Variants in BTN2A1 observed in about 807,000 individuals in gnomAD.
The protein encoded by BTN2A1 is butyrophilin, subfamily 2, member A1.
In BTN2A1, 41 loss-of-function variants were observed where a neutral mutation model predicts 34.5. That is an observed-to-expected ratio of 1.19 (90% CI 0.93 to 1.54). The LOEUF (loss-of-function observed/expected upper bound fraction) is 1.54, where lower values mean the gene tolerates loss of function less well. Ranked by LOEUF, BTN2A1 falls within the 40% of genes most tolerant of loss-of-function variation. The pLI is 0.00. For missense variants in BTN2A1, 642 were observed against 662.0 expected (o/e 0.97, Z 0.33); for synonymous variants, 267 against 258.6 (o/e 1.03, Z -0.31).
In BTN2A1 at chr6:26,468,539, A is replaced by G; in HGVS notation, c.1574A>G (p.Gln525Arg). 1 of 1,614,218 alleles carries G rather than the reference A, an allele frequency of 6.2e-7. No individual in the cohort carries two copies. Among genetic ancestry groups the G allele is most frequent in the Non-Finnish European group, 8.5e-7 (1 of 1,180,040 alleles). ...GLTLHRVGTH[Q>R]SL ...ACACTTCACAGAGTGGGGACCCACC[A>G]GAGCCTATAGAATCAATTCCTTGGT... Residue 525 changes from glutamine (Q) to arginine (R), a missense_variant, in exon 8 of 8, where the codon CAG becomes CGG. Gln to Arg is a conservative substitution (Grantham distance 43). Coordinates refer to ENST00000312541, the MANE Select transcript of BTN2A1 (RefSeq NM_007049.5).
At chr6:26,465,143 T>C (rs1561871640) in intron 4 of BTN2A1, 42 bp from the exon 5 acceptor site, 2 of 1,562,086 alleles carry the variant, frequency 1.3e-6, no homozygotes, top group South Asian at 1.1e-5. Context: ...ACCCCAGATG[T>C]TCTGTTTCAA....
intron 2 of BTN2A1, 143 bp downstream of exon 2, chr6:26,458,861 T>G: frequency 8.9e-7 from 1 of 1,128,804 alleles, no homozygotes; most frequent in Non-Finnish European, 1.3e-6. Flanking sequence ...ATACCAGCAC[T>G]GTCCAAAAGG....
At chr6:26,462,217 T>G (rs140050376) in intron 3 of BTN2A1, among the ~76,000 whole-genome samples, 1 of 152,204 alleles carries the variant, frequency 6.6e-6, no homozygotes, top group East Asian at 1.9e-4. Flanking sequence ...TTCACTCTTA[T>G]GGAAGATTCA....
exon 8 of BTN2A1, chr6:26,476,563 T>C: frequency 3.4e-6 from 1 of 295,216 alleles, no homozygotes; most frequent in East Asian, 7.6e-5. Flanking sequence ...ATCTCGGGGC[T>C]GTGTCACAAG....
chr6:26,464,586 T>C (rs531786124), intron 4 of BTN2A1, among the ~76,000 whole-genome samples: 2 of 152,174 alleles, frequency 1.3e-5, no homozygotes, highest in East Asian at 1.9e-4. Flanking sequence ...GAAGAGCATA[T>C]GCAAAGGGCC....
downstream of BTN2A1, among the ~76,000 whole-genome samples, chr6:26,473,746 G>A (rs1049827570): frequency 3.9e-5 from 6 of 152,204 alleles, no homozygotes; most frequent in African/African-American, 1.4e-4. Flanking sequence ...AGCTGAATGT[G>A]AAGAAACACT....
In BTN2A1 at chr6:26,468,907, T is replaced by C. The variant is rs1429867629; in HGVS notation, c.*358T>C. 7 of 1,316,268 alleles carry C rather than the reference T, an allele frequency of 5.3e-6. No individual in the cohort carries two copies. The highest frequency in any genetic ancestry group is 6.9e-6 in the Non-Finnish European group (7 of 1,012,266). 81.5% of individuals were successfully genotyped at this position (1,316,268 alleles called of 1,614,324 possible). A position where few individuals can be genotyped will look rare whatever the true frequency, so the allele number is the denominator to read the frequency against. On this transcript the variant is annotated 3_prime_UTR_variant, in exon 8 of 8. Coordinates refer to ENST00000312541, the MANE Select transcript of BTN2A1 (RefSeq NM_007049.5). ...GTATTCCAGTTGGCACCAGAAGATA[T>C]GGACTTGGAATGAGGCCTACAGGGT... is the stretch of plus-strand genomic sequence containing the variant.
At chr6:26,458,354 C>G (rs1177860582) in intron 1 of BTN2A1, among the ~76,000 whole-genome samples, 1 of 152,186 alleles carries the variant, frequency 6.6e-6, no homozygotes, top group Admixed American at 6.5e-5. Context: ...CCAGCGACAA[C>G]TGAAGAAACT....
downstream of BTN2A1, among the ~76,000 whole-genome samples, chr6:26,472,382 A>G (rs1386764392): frequency 1.3e-5 from 2 of 152,182 alleles, no homozygotes; most frequent in African/African-American, 4.8e-5. Context: ...TTACTGAGAA[A>G]AGTAGATCTG....
downstream of BTN2A1, among the ~76,000 whole-genome samples, chr6:26,473,816 C>T (rs7773938): frequency 0.17 from 25,825 of 152,156 alleles, 2,246 homozygotes; most frequent in African/African-American, 0.2. Context: ...GAGCTGCAAA[C>T]ACTTTGAGAG....
chr6:26,468,273 C>T lies in BTN2A1; in HGVS notation c.1308C>T (p.Ser436=), dbSNP rs1444261784. The change falls in exon 8 of 8, where the codon TCC becomes TCT. Residue 436 remains serine (S), a synonymous_variant. Coordinates refer to ENST00000312541, the MANE Select transcript of BTN2A1 (RefSeq NM_007049.5). Reference sequence around the variant, plus strand: ...AAGGGCAATACCGGGCCGTGTCCTCCCCTGATAGGATTCTCCCTTTGAAGG... The same window carrying T: ...AAGGGCAATACCGGGCCGTGTCCTCTCCTGATAGGATTCTCCCTTTGAAGG... ...MHKGQYRAVS[S]PDRILPLKES... 3 of 1,614,058 alleles carry T rather than the reference C, an allele frequency of 1.9e-6. No individual in the cohort carries two copies. The highest frequency in any genetic ancestry group is 1.6e-4 in the Middle Eastern group (1 of 6,082).
At chr6:26,466,408 G>A (rs778247635) in intron 7 of BTN2A1, among the ~76,000 whole-genome samples, 29 of 152,124 alleles carry the variant, frequency 1.9e-4, no homozygotes, top group Admixed American at 5.9e-4. Flanking sequence ...CTTTGATCCT[G>A]GATGAATTTG....
At chr6:26,476,219 C>A in exon 8 of BTN2A1, 1 of 1,500,216 alleles carries the variant, frequency 6.7e-7, no homozygotes, top group Non-Finnish European at 9.0e-7. Context: ...AGAGAAGACA[C>A]AGCAGGATTC....
chr6:26,466,327 T>G (rs1763316318), intron 7 of BTN2A1, among the ~76,000 whole-genome samples: 1 of 152,208 alleles, frequency 6.6e-6, no homozygotes, highest in Admixed American at 6.5e-5. Context: ...TGGAGTAATT[T>G]AATGCATGAT....
intron 7 of BTN2A1, among the ~76,000 whole-genome samples, chr6:26,475,240 A>G (rs947872336): frequency 6.6e-6 from 1 of 152,212 alleles, no homozygotes; most frequent in Non-Finnish European, 1.5e-5. Flanking sequence ...CCAGGTGACC[A>G]AGTACACCAG....
At chr6:26,475,568 T>C (rs1479676059) in intron 7 of BTN2A1, among the ~76,000 whole-genome samples, 1 of 152,122 alleles carries the variant, frequency 6.6e-6, no homozygotes, top group African/African-American at 2.4e-5. Context: ...TTTGTGAATG[T>C]TTAACCAAGC....
At chr6:26,461,676 G>A (rs1763167566) in intron 3 of BTN2A1, among the ~76,000 whole-genome samples, 1 of 152,162 alleles carries the variant, frequency 6.6e-6, no homozygotes, top group Admixed American at 6.5e-5. Context: ...CCAGCTACTT[G>A]GGAGGCTGAG....
At position 26,458,588 on chromosome 6, in the gene BTN2A1, T is replaced by G. The variant is rs1297073661; in HGVS notation, c.-30-19T>G. Reference sequence around the variant, plus strand: ...TGAGGTGCCAAGACTCCTAGGCTGATTCTCCTCTGTAACCCTAGGCCTCCT... The same window carrying G: ...TGAGGTGCCAAGACTCCTAGGCTGAGTCTCCTCTGTAACCCTAGGCCTCCT... On this transcript the variant is annotated intron_variant, in intron 1 of 7. Transcript: ENST00000312541. 5.6e-6 allele frequency: 9 copies of G among 1,602,380 alleles called. No homozygotes were observed. The highest frequency in any genetic ancestry group is 7.7e-6 in the Non-Finnish European group (9 of 1,169,488).
Position 26,463,231 on chromosome 6 carries a change from T to A in BTN2A1, c.431-13T>A. ...GCACTGACTTTTGCCTGAACCCTGA[T>A]ATCTCTCCACAGGACTAGGCTCTAA... On this transcript the variant is annotated splice_polypyrimidine_tract_variant and intron_variant, in intron 3 of 7. Coordinates refer to ENST00000312541, the MANE Select transcript of BTN2A1 (RefSeq NM_007049.5). The A allele has an allele frequency of 6.4e-7, 1 of 1,560,348 alleles. No individual in the cohort carries two copies. The highest frequency in any genetic ancestry group is 8.7e-7 in the Non-Finnish European group (1 of 1,155,816).
Sources: allele counts gnomAD v4.1 joint callset (sites outside exome capture counted in the v4.1 genomes callset), GRCh38; gene constraint gnomAD v4.1.1; transcripts MANE v1.5; gene names NCBI Gene and HGNC (gene_info 2026-07-23, HGNC 2026-07-21).